PPP2R5C: variants seen among roughly 807,000 people sequenced by gnomAD.
The protein encoded by PPP2R5C is protein phosphatase 2 regulatory subunit B'gamma, also known as serine/threonine-protein phosphatase 2A 56 kDa regulatory subunit gamma isoform.
PPP2R5C carries 7 observed loss-of-function variants against 68.9 expected under a neutral mutation model. The ratio of observed to expected loss-of-function variants is 0.10; its 90% CI spans 0.06 to 0.19. PPP2R5C has a LOEUF of 0.19. Ranked by LOEUF, PPP2R5C falls within the 10% of genes least tolerant of loss-of-function variation. The pLI is 1.00. For synonymous variants in PPP2R5C, 210 were observed against 222.2 expected (o/e 0.95, Z 0.49); for missense variants, 348 against 641.3 (o/e 0.54, Z 4.94).
intron 3 of PPP2R5C, among the ~76,000 whole-genome samples, chr14:101,790,412 A>G (rs2038303920): frequency 6.6e-6 from 1 of 152,242 alleles, no homozygotes; most frequent in East Asian, 1.9e-4. Context: ...GCCATTCACC[A>G]TTAAGTTCCC....
intron 13 of PPP2R5C, among the ~76,000 whole-genome samples, chr14:101,919,988 A>AT (rs1323370441): frequency 6.6e-5 from 10 of 151,628 alleles, no homozygotes; most frequent in Admixed American, 3.9e-4. Flanking sequence ...AAAAAAAAAA[A>AT]AAAACCAATT....
At chr14:101,839,350 CAA>C (rs35411182) in intron 1 of PPP2R5C, 14 of 140,864 alleles carry the variant, frequency 9.9e-5, no homozygotes, top group African/African-American at 1.5e-4. Flanking sequence ...ACTCTGTCTC[CAA>C]AAAAAAAAAA....
intron 1 of PPP2R5C, among the ~76,000 whole-genome samples, chr14:101,848,265 G>A (rs2041958116): frequency 6.6e-6 from 1 of 152,052 alleles, no homozygotes; most frequent in Admixed American, 6.6e-5. Flanking sequence ...GGGCGTGGTG[G>A]CTTATACCTG....
Position 101,906,518 on chromosome 14 carries a change from C to G in PPP2R5C, c.1140C>G (p.Thr380=). ...CTTCCTTGTACCGCAACTCAAAGAC[C>G]CATTGGAACAAGTAAGAAAGAACTG... Residue 380 remains threonine (T), a synonymous_variant, in exon 10 of 14, where the codon ACC becomes ACG. Transcript: ENST00000334743. This position sits in a 1 kb window ranked among gnomAD's most constrained non-coding sequence, Gnocchi z 4.0. 6.2e-7 allele frequency: 1 copy of G among 1,606,400 alleles called. No homozygotes were observed. The highest frequency in any genetic ancestry group is 1.1e-5 in the South Asian group (1 of 88,942).
At chr14:101,924,364 C>T (rs975729676) in intron 13 of PPP2R5C, among the ~76,000 whole-genome samples, 2 of 149,498 alleles carry the variant, frequency 1.3e-5, no homozygotes, top group South Asian at 2.1e-4. Context: ...ATATTTTTTT[C>T]AATTTGATAG....
chr14:101,827,746 GA>G (rs1369291213), intron 1 of PPP2R5C, among the ~76,000 whole-genome samples: 3 of 152,188 alleles, frequency 2.0e-5, no homozygotes, highest in African/African-American at 7.2e-5. Context: ...GTGTGCTAAG[GA>G]GGGCACCCCA....
chr14:101,801,573 C>G (rs61994035), intron 3 of PPP2R5C, among the ~76,000 whole-genome samples: 5 of 152,034 alleles, frequency 3.3e-5, no homozygotes, highest in African/African-American at 7.2e-5. Context: ...TATTTTAGAA[C>G]CATAAATAAA....
intron 3 of PPP2R5C, 110 bp downstream of exon 3, chr14:101,786,293 C>A: frequency 5.0e-6 from 5 of 999,550 alleles, no homozygotes; most frequent in Non-Finnish European, 6.9e-6. Context: ...TTTGTGGGGT[C>A]ATCTTTTCTG....
chr14:101,775,444 A>G (rs974354889), intron 2 of PPP2R5C, among the ~76,000 whole-genome samples: 1 of 152,134 alleles, frequency 6.6e-6, no homozygotes, highest in Non-Finnish European at 1.5e-5. Flanking sequence ...TTTACTCCCA[A>G]TATACTGGGG....
At chr14:101,809,895 C>A in exon 1 of PPP2R5C, 1 of 1,584,090 alleles carries the variant, frequency 6.3e-7, no homozygotes, top group Non-Finnish European at 8.6e-7. Flanking sequence ...AAAATGGAGG[C>A]TGGTTTCTTG....
intron 2 of PPP2R5C, among the ~76,000 whole-genome samples, chr14:101,866,385 A>G (rs1478968914): frequency 6.6e-6 from 1 of 152,270 alleles, no homozygotes; most frequent in African/African-American, 2.4e-5. Context: ...AATACTCTAC[A>G]GAGTACGGTG....
intron 10 of PPP2R5C, among the ~76,000 whole-genome samples, chr14:101,909,012 T>A (rs1339616736): frequency 6.6e-6 from 1 of 152,192 alleles, no homozygotes; most frequent in African/African-American, 2.4e-5. Flanking sequence ...GGATCGGGGC[T>A]CTTACAGGGC....
chr14:101,823,779 G>C (rs1346153876), intron 1 of PPP2R5C: 1 of 1,130,716 alleles, frequency 8.8e-7, no homozygotes, highest in African/African-American at 1.6e-5. Flanking sequence ...AGCATGCACT[G>C]AGCCTGCTCT....
chr14:101,878,598 C>G (rs1048431870), intron 2 of PPP2R5C, among the ~76,000 whole-genome samples: 1 of 152,222 alleles, frequency 6.6e-6, no homozygotes, highest in African/African-American at 2.4e-5. Context: ...AAGGACTTGC[C>G]TTCTGCAGTG....
intron 3 of PPP2R5C, among the ~76,000 whole-genome samples, chr14:101,799,425 G>A (rs2038763493): frequency 6.6e-6 from 1 of 152,124 alleles, no homozygotes; most frequent in African/African-American, 2.4e-5. Flanking sequence ...GGGATAGGGA[G>A]ATGACATATA....
At chr14:101,841,555 G>A (rs1009013052) in intron 1 of PPP2R5C, among the ~76,000 whole-genome samples, 2 of 152,194 alleles carry the variant, frequency 1.3e-5, no homozygotes, top group Admixed American at 6.5e-5. Context: ...CTGTGCCTCC[G>A]GAGATGAGGC....
chr14:101,852,375 A>G (rs936393897), intron 1 of PPP2R5C, among the ~76,000 whole-genome samples: 1 of 152,056 alleles, frequency 6.6e-6, no homozygotes, highest in East Asian at 1.9e-4. Flanking sequence ...AAACATCTCT[A>G]TTTATCACTG....
rs1489106464 is a variant in PPP2R5C, at chr14:101,916,695, G to A, written c.1327-1136G>A. On this transcript the variant is annotated intron_variant, in intron 12 of 13. Coordinates refer to ENST00000334743, the Ensembl canonical transcript of PPP2R5C. The surrounding 1 kb of genome is among the most constrained non-coding windows in gnomAD (Gnocchi z 5.5). ...GAGCTGCTCTGGGCTGGCAGGGTGT[G>A]AGGGGCAGGGGTGAGGGGGCAGGGG... is the stretch of plus-strand genomic sequence containing the variant. Among the ~76,000 whole-genome samples the A allele has an allele frequency of 8.7e-4, 131 of 151,322 alleles. No individual in the cohort carries two copies. The highest frequency in any genetic ancestry group is 1.6e-3 in the Non-Finnish European group (108 of 67,784).
chr14:101,802,983 G>A (rs796838170), intron 3 of PPP2R5C, among the ~76,000 whole-genome samples: 68 of 145,790 alleles, frequency 4.7e-4, no homozygotes, highest in African/African-American at 1.7e-3. Flanking sequence ...AAGGAGCAAA[G>A]GCAGGCAGAT....
Sources: allele counts gnomAD v4.1 joint callset (sites outside exome capture counted in the v4.1 genomes callset), GRCh38; gene constraint gnomAD v4.1.1; non-coding constraint Gnocchi (gnomAD v3.1); transcripts MANE v1.5; gene names NCBI Gene and HGNC (gene_info 2026-07-23, HGNC 2026-07-21).